The following NEB variants were observed in gnomAD, a reference collection of about 807,000 sequenced individuals.
The protein encoded by NEB is nebulin, also known as nemaline myopathy type 2.
In NEB, 512 loss-of-function variants were observed where a neutral mutation model predicts 952.2. The observed-to-expected ratio is 0.54, with a 90% CI of 0.50 to 0.58. The LOEUF (loss-of-function observed/expected upper bound fraction) is 0.58. Among genes scored for constraint, NEB ranks in the 20% least tolerant of loss-of-function variants. The pLI is 0.00. For synonymous variants in NEB, 2,900 were observed against 3,149.8 expected (o/e 0.92, Z 2.66); for missense variants, 8,428 against 9,231.1 (o/e 0.91, Z 3.56).
At chr2:151,719,913 T>C (rs995170278) in intron 9 of NEB, among the ~76,000 whole-genome samples, 3 of 133,328 alleles carry the variant, frequency 2.3e-5, no homozygotes, top group African/African-American at 7.9e-5. Context: ...AAATACAAAC[T>C]GAAGACTTCA....
intron 81 of NEB, among the ~76,000 whole-genome samples, chr2:151,609,282 A>G (rs1258625376): frequency 6.6e-6 from 1 of 152,114 alleles, no homozygotes; most frequent in African/African-American, 2.4e-5. Context: ...GGTTGACGGG[A>G]TAAGTGCACG....
chr2:151,693,127 T>C (rs2099571489), intron 20 of NEB, among the ~76,000 whole-genome samples: 2 of 152,346 alleles, frequency 1.3e-5, no homozygotes, highest in African/African-American at 4.8e-5. Context: ...AAGCTGGCTA[T>C]TAACATTAAG....
In NEB at chr2:151,644,083, C is replaced by A. The variant is rs1334008702; in HGVS notation, c.7691G>T (p.Gly2564Val). 4 of 1,613,958 alleles carry A rather than the reference C, an allele frequency of 2.5e-6. No homozygotes were observed. The Admixed American group carries it at 6.7e-5, about 27-fold the overall frequency. The change falls in exon 57 of 182, where the codon GGT (glycine) becomes GTT (valine). Residue 2564 changes from glycine to valine, a missense_variant. Gly to Val is a moderately radical substitution (Grantham distance 109). This residue lies in a region of NEB where 1,772 missense variants were observed against 1,960.3 expected (regional missense o/e 0.90). Transcript: ENST00000397345. ...GFRKQLGHHI[G>V]ARNIEDDPKM... ...GGGGTCATCTTCAATGTTCCGGGCA[C>A]CAATGTGGTGGCCGAGCTGCTTGCG...
intron 161 of NEB, 128 bp downstream of exon 161, chr2:151,512,605 C>T: frequency 2.6e-6 from 2 of 762,704 alleles, no homozygotes; most frequent in Non-Finnish European, 4.5e-6. Flanking sequence ...TGAGCCACTG[C>T]ACCTGGTGAA....
At chr2:151,489,379 G>A (rs1323781262) in intron 181 of NEB, among the ~76,000 whole-genome samples, 1 of 151,716 alleles carries the variant, frequency 6.6e-6, no homozygotes, top group African/African-American at 2.4e-5. Context: ...ATGTATATAT[G>A]TGGGCACATT....
chr2:151,617,512 T>A, intron 74 of NEB, 44 bp from the exon 75 acceptor site: 1 of 1,259,392 alleles, frequency 7.9e-7, no homozygotes, highest in Non-Finnish European at 1.1e-6. Flanking sequence ...AGAAAAATTA[T>A]TTTGGTGTTC....
Position 151,492,258 on chromosome 2 carries a change from C to G in NEB, c.24897G>C (p.Glu8299Asp), listed in dbSNP as rs202145313. The change falls in exon 178 of 182, where the codon GAG (glutamate) becomes GAC (aspartate). Residue 8299 changes from glutamate to aspartate, a missense_variant. Coordinates refer to ENST00000397345, the MANE Select transcript of NEB (RefSeq NM_001164508.2). Reference sequence around the variant, plus strand: ...CTGGTGTGAAGCAACCCTTGTGTTTCTCAAAGTCTTCATGATATTTCACCT... The same window carrying G: ...CTGGTGTGAAGCAACCCTTGTGTTTGTCAAAGTCTTCATGATATTTCACCT... ...ISTVKYHEDFEKHKGCFTPVV... is the reference protein window; with the variant it reads ...ISTVKYHEDFDKHKGCFTPVV... 94 of 1,612,976 alleles carry G rather than the reference C, an allele frequency of 5.8e-5. No individual in the cohort carries two copies. In the African/African-American group the frequency reaches 1.1e-3, roughly 18 times the overall value.
intron 105 of NEB, among the ~76,000 whole-genome samples, 187 bp downstream of exon 105, chr2:151,579,151 A>T: frequency 6.7e-6 from 1 of 148,264 alleles, no homozygotes; most frequent in East Asian, 2.0e-4. Context: ...ATCTATAGGA[A>T]AATTCTGGTA....
At chr2:151,507,040 T>TAAGA (rs1185556704) in intron 162 of NEB, 27 bp from the exon 163 acceptor site, 1 of 1,348,174 alleles carries the variant, frequency 7.4e-7, no homozygotes, top group Non-Finnish European at 1.1e-6. Flanking sequence ...AACATCTTGT[T>TAAGA]AAGATTTCAA....
intron 56 of NEB, 43 bp from the exon 57 acceptor site, chr2:151,644,172 C>G: frequency 1.9e-6 from 3 of 1,595,202 alleles, no homozygotes; most frequent in Non-Finnish European, 2.6e-6. Flanking sequence ...AAATTTACTT[C>G]TGTTGCCATC....
chr2:151,529,172 A>G (rs2088797100), intron 146 of NEB, 38 bp downstream of exon 146: 1 of 1,379,268 alleles, frequency 7.3e-7, no homozygotes. Flanking sequence ...GAAGCTGGTA[A>G]ATCCCCCACC....
At chr2:151,540,224 T>TG in intron 138 of NEB, 120 bp downstream of exon 138, 1 of 547,294 alleles carries the variant, frequency 1.8e-6, no homozygotes, top group East Asian at 3.2e-5. Context: ...AAAAAATGTG[T>TG]GTTTTTTTCC....
At position 151,724,782 on chromosome 2, in the gene NEB, A is replaced by G. The variant is rs574836604; in HGVS notation, c.507+75T>C. The G allele has an allele frequency of 2.3e-5, 30 of 1,290,454 alleles. No homozygotes were observed. The East Asian group carries it at 3.3e-4, about 14-fold the overall frequency. 79.9% of individuals were successfully genotyped at this position (1,290,454 alleles called of 1,614,324 possible). A position where few individuals can be genotyped will look rare whatever the true frequency, so the allele number is the denominator to read the frequency against. ...TGGTGGGCAGGATCAGGCCTGTCCA[A>G]TTTTCTCCTATAAGACAATGCAGAG... is the stretch of plus-strand genomic sequence containing the variant. On this transcript the variant is annotated intron_variant, in intron 7 of 181. Coordinates refer to ENST00000397345, the MANE Select transcript of NEB (RefSeq NM_001164508.2).
chr2:151,631,412 T>C (rs549517158), intron 65 of NEB, 66 bp from the exon 66 acceptor site: 3 of 1,490,950 alleles, frequency 2.0e-6, no homozygotes, highest in East Asian at 2.3e-5. Context: ...AATATGCAAA[T>C]AGAATCAGTA....
At chr2:151,488,046 G>T (rs1206067535) in intron 181 of NEB, among the ~76,000 whole-genome samples, 1 of 151,612 alleles carries the variant, frequency 6.6e-6, no homozygotes, top group Non-Finnish European at 1.5e-5. Context: ...TATATTCCTG[G>T]TTACTAGTCA....
chr2:151,524,741 A>T, intron 151 of NEB, 125 bp from the exon 152 acceptor site: 1 of 745,656 alleles, frequency 1.3e-6, no homozygotes. Flanking sequence ...ATCTCAGCTC[A>T]CTGCAACTTC....
chr2:151,666,567 C>T (rs1459208462), intron 40 of NEB, among the ~76,000 whole-genome samples, 166 bp from the exon 41 acceptor site: 2 of 151,896 alleles, frequency 1.3e-5, no homozygotes, highest in East Asian at 3.9e-4. Flanking sequence ...TTTTTAATGG[C>T]TCATCTTGAG....
intron 63 of NEB, among the ~76,000 whole-genome samples, chr2:151,637,359 G>T (rs1368669118): frequency 6.6e-6 from 1 of 152,190 alleles, no homozygotes; most frequent in Admixed American, 6.5e-5. Context: ...GGAAGCGGAG[G>T]GGTGTTGAAG....
rs1266750458 is a variant in NEB, at chr2:151,696,120, G to A, written c.1570-438C>T. ...TATTGAGGTCACTTTTATTTTTTTA[G>A]TTCAACACAGCTTTGGAAATCCACA... On this transcript the variant is annotated intron_variant, in intron 17 of 181. Transcript: ENST00000397345. Among the ~76,000 whole-genome samples, 3 of 151,980 alleles carry A rather than the reference G, an allele frequency of 2.0e-5. No individual in the cohort carries two copies. The South Asian group carries it at 6.2e-4, about 32-fold the overall frequency.
Sources: allele counts gnomAD v4.1 joint callset (sites outside exome capture counted in the v4.1 genomes callset), GRCh38; gene constraint gnomAD v4.1.1; regional missense constraint gnomAD v4.1.1; transcripts MANE v1.5; gene names NCBI Gene and HGNC (gene_info 2026-07-23, HGNC 2026-07-21).